ALPK1: variants seen among roughly 807,000 people sequenced by gnomAD.
ALPK1 encodes alpha kinase 1.
A neutral mutation model predicts 120.6 loss-of-function variants in ALPK1; 110 were observed. The observed-to-expected ratio is 0.91, with a 90% CI of 0.78 to 1.07. The LOEUF is 1.07. ALPK1 is among the 50% of genes least tolerant of loss of function. ALPK1 has a pLI of 0.00. For missense variants in ALPK1, 1,498 were observed against 1,483.9 expected, an observed-to-expected ratio of 1.01 and a Z score of -0.16; for synonymous variants, 582 against 560.3, an observed-to-expected ratio of 1.04 and a Z score of -0.55.
intron 5 of ALPK1, chr4:112,412,528 CT>C (rs1371507444): frequency 1.7e-4 from 64 of 373,732 alleles, no homozygotes; most frequent in Middle Eastern, 3.6e-4. Flanking sequence ...CTTAAAGTAT[CT>C]TTTTTTTTCC....
Position 112,435,267 on chromosome 4 carries a change from G to T in ALPK1, c.3154G>T (p.Val1052Phe). ...KKGRQRNAFWVHHLHQEEILG... is the reference protein window; with the variant it reads ...KKGRQRNAFWFHHLHQEEILG... ...AGGCAGACAAAGAAATGCTTTTTGGGTTCATCATCTTCATCAAGAAGAAAT... is the reference window on the plus strand; with the variant it reads ...AGGCAGACAAAGAAATGCTTTTTGGTTTCATCATCTTCATCAAGAAGAAAT... Residue 1052 changes from valine to phenylalanine, a missense_variant, in exon 12 of 16, where the codon GTT becomes TTT. Physicochemically the swap from Val to Phe is conservative, Grantham distance 50. Transcript: ENST00000650871. 1 of 1,612,110 alleles carries T rather than the reference G, an allele frequency of 6.2e-7. No individual in the cohort carries two copies. The highest frequency in any genetic ancestry group is 8.5e-7 in the Non-Finnish European group (1 of 1,179,504).
chr4:112,402,387 G>A (rs1245986876), intron 4 of ALPK1, among the ~76,000 whole-genome samples: 1 of 152,230 alleles, frequency 6.6e-6, no homozygotes, highest in Admixed American at 6.5e-5. Context: ...GCTAATGCAA[G>A]GAACCATGAA....
Position 112,439,856 on chromosome 4 carries a change from TGTG to T in ALPK1, c.3525_3527del (p.Val1176del), listed in dbSNP as rs1183636953. ...ATGAGTTTTCTAATCATAGAGATGT[TGTG>T]GTCGATTTACAAGGTATGTGAAACT... On this transcript the variant is annotated inframe_deletion, in exon 14 of 16. Transcript: ENST00000650871. The T allele has an allele frequency of 1.9e-6, 3 of 1,606,540 alleles. No individual in the cohort carries two copies. Among genetic ancestry groups the T allele is most frequent in the Non-Finnish European group, 2.5e-6 (3 of 1,178,322 alleles).
chr4:112,427,627 G>A lies in ALPK1; in HGVS notation c.757G>A (p.Asp253Asn), dbSNP rs749235785. 2 of 1,613,984 alleles carry A rather than the reference G, an allele frequency of 1.2e-6. No individual in the cohort carries two copies. Among genetic ancestry groups the A allele is most frequent in the South Asian group, 1.1e-5 (1 of 91,072 alleles). The change falls in exon 9 of 16, where the codon GAT (aspartate) becomes AAT (asparagine). Residue 253 changes from aspartate (D) to asparagine (N), a missense_variant. By Grantham distance (23) the Asp-to-Asn change is conservative. Coordinates refer to ENST00000650871, the MANE Select transcript of ALPK1 (RefSeq NM_025144.4). ...ADIFVSMSKN[D>N]YEKFKNNPQI... ...CATCTTTGTTTCCATGAGCAAGAAC[G>A]ATTATGAAAAGTTTAAAAACAATCC...
intron 12 of ALPK1, among the ~76,000 whole-genome samples, chr4:112,437,736 T>G (rs908811598): frequency 6.6e-6 from 1 of 152,184 alleles, no homozygotes; most frequent in African/African-American, 2.4e-5. Context: ...AGTTCCATTA[T>G]TATATGGGAT....
At chr4:112,362,133 G>A (rs1730943272) in intron 2 of ALPK1, among the ~76,000 whole-genome samples, 1 of 152,158 alleles carries the variant, frequency 6.6e-6, no homozygotes, top group Non-Finnish European at 1.5e-5. Context: ...CTAACCAAAT[G>A]AGAAGGAACC....
intron 2 of ALPK1, among the ~76,000 whole-genome samples, chr4:112,354,102 G>C (rs1428799621): frequency 6.6e-6 from 1 of 152,122 alleles, no homozygotes; most frequent in Admixed American, 6.5e-5. Context: ...ATTCAGGGTA[G>C]AAATCTTTTG....
intron 1 of ALPK1, among the ~76,000 whole-genome samples, chr4:112,315,201 C>A (rs1052353412): frequency 6.6e-6 from 1 of 152,022 alleles, no homozygotes; most frequent in Non-Finnish European, 1.5e-5. Context: ...TTTTAATATA[C>A]AATAAAGTAG....
At chr4:112,409,830 G>A (rs972810468) in intron 4 of ALPK1, among the ~76,000 whole-genome samples, 6 of 152,098 alleles carry the variant, frequency 3.9e-5, no homozygotes, top group African/African-American at 7.2e-5. Flanking sequence ...AGGAAACATC[G>A]AGAGGAGAGA....
chr4:112,435,045 G>C, intron 11 of ALPK1, 103 bp from the exon 12 acceptor site: 1 of 1,136,330 alleles, frequency 8.8e-7, no homozygotes, highest in East Asian at 2.4e-5. Context: ...AAAAAGTGAA[G>C]ATTTCAGGTG....
chr4:112,358,752 G>T (rs993308929), intron 2 of ALPK1: 20 of 801,016 alleles, frequency 2.5e-5, no homozygotes, highest in Admixed American at 1.7e-4. Context: ...GGAGCCCGTG[G>T]CTGGTGCACA....
At position 112,431,893 on chromosome 4, in the gene ALPK1, C is replaced by A. The variant is rs200864856; in HGVS notation, c.2346C>A (p.Pro782=). 1.1e-4 allele frequency: 170 copies of A among 1,614,022 alleles called. No individual in the cohort carries two copies. The East Asian group carries it at 2.9e-3, about 28-fold the overall frequency. Residue 782 remains proline, a synonymous_variant, in exon 11 of 16, where the codon CCC becomes CCA. Coordinates refer to ENST00000650871, the MANE Select transcript of ALPK1 (RefSeq NM_025144.4). ...CAGGCCCTACATTTAAAGCTAGTCC[C>A]TCCTGGGTTGACCCAGAAGGAGAAA... ...RGAGPTFKAS[P]SWVDPEGETA... is the part of the protein sequence containing the mutation.
chr4:112,299,067 A>G (rs1727670126), intron 1 of ALPK1, among the ~76,000 whole-genome samples: 1 of 152,104 alleles, frequency 6.6e-6, no homozygotes, highest in Non-Finnish European at 1.5e-5. Flanking sequence ...GTGAAAATAT[A>G]TTCCATATTT....
At chr4:112,367,675 A>G (rs1356544561) in intron 2 of ALPK1, among the ~76,000 whole-genome samples, 1 of 152,204 alleles carries the variant, frequency 6.6e-6, no homozygotes, top group African/African-American at 2.4e-5. Flanking sequence ...TCTCCTGTTC[A>G]AAAAATTTGC....
intron 9 of ALPK1, 65 bp downstream of exon 9, chr4:112,427,730 T>C: frequency 2.5e-6 from 3 of 1,179,164 alleles, no homozygotes; most frequent in Non-Finnish European, 3.8e-6. Flanking sequence ...GGTGGTTGGT[T>C]AGTGGCTGTC....
At chr4:112,347,885 A>AT (rs1730167882) in intron 2 of ALPK1, among the ~76,000 whole-genome samples, 1 of 152,196 alleles carries the variant, frequency 6.6e-6, no homozygotes, top group Admixed American at 6.5e-5. Context: ...CGATTTACTT[A>AT]TTTTTTAAAA....
At chr4:112,439,893 T>C (rs751192005) in intron 14 of ALPK1, 21 bp downstream of exon 14, 1 of 1,541,976 alleles carries the variant, frequency 6.5e-7, no homozygotes, top group Non-Finnish European at 8.7e-7. Context: ...CTGGGAATTA[T>C]TTTTATTTTT....
chr4:112,377,960 T>C, intron 3 of ALPK1, 62 bp downstream of exon 3: 1 of 1,504,614 alleles, frequency 6.6e-7, no homozygotes, highest in South Asian at 1.3e-5. Context: ...GTCCCCTGCC[T>C]GAACGACACG....
intron 5 of ALPK1, among the ~76,000 whole-genome samples, chr4:112,420,459 T>C (rs930911414): frequency 2.6e-5 from 4 of 152,190 alleles, no homozygotes; most frequent in African/African-American, 7.2e-5. Flanking sequence ...TAAGATCTTA[T>C]CCTCTGAAGT....
Sources: gnomAD v4.1 joint callset for allele counts (sites outside exome capture counted in the v4.1 genomes callset) on GRCh38, gnomAD v4.1.1 for gene constraint, MANE v1.5 for transcripts, NCBI Gene and HGNC (gene_info 2026-07-23, HGNC 2026-07-21) for gene names.